Variants in CPHXL observed in about 807,000 individuals in gnomAD.
CPHXL encodes the protein cytoplasmic polyadenylated homeobox-like protein.
At chr16:75,723,595 TAA>T (rs1243025189) in intron 1 of CPHXL, among the ~76,000 whole-genome samples, 1 of 152,014 alleles carries the variant, frequency 6.6e-6, no homozygotes, top group East Asian at 1.9e-4. Context: ...CTCAATGAAA[TAA>T]AAGAGGATAC....
chr16:75,716,281 T>A (rs1276196872), intron 2 of CPHXL, among the ~76,000 whole-genome samples: 2 of 152,160 alleles, frequency 1.3e-5, no homozygotes, highest in Non-Finnish European at 2.9e-5. Context: ...TACCTGGAAA[T>A]ACTGTCAGAT....
intron 1 of CPHXL, among the ~76,000 whole-genome samples, chr16:75,719,911 G>T (rs1436614647): frequency 6.6e-6 from 1 of 152,066 alleles, no homozygotes; most frequent in African/African-American, 2.4e-5. Context: ...AAAACTTCTA[G>T]AGGAACGATC....
At chr16:75,716,413 TG>T (rs1435967266) in intron 2 of CPHXL, among the ~76,000 whole-genome samples, 1 of 152,202 alleles carries the variant, frequency 6.6e-6, no homozygotes, top group African/African-American at 2.4e-5. Context: ...ACCTCCTCTC[TG>T]GGTTTGATTA....
chr16:75,718,211 C>G, intron 2 of CPHXL, 54 bp downstream of exon 2: 1 of 397,108 alleles, frequency 2.5e-6, no homozygotes, highest in Non-Finnish European at 4.4e-6. Context: ...GGAGTGAGAC[C>G]TTGTCTAAAA....
At chr16:75,725,753 C>CTTTTTT (rs35659823) in intron 1 of CPHXL, among the ~76,000 whole-genome samples, 512 of 43,296 alleles carry the variant, frequency 0.012, 56 homozygotes, top group African/African-American at 0.023. Flanking sequence ...TGCCCGGCGT[C>CTTTTTT]TTTTTTTTTT....
chr16:75,720,974 C>G (rs1190235311), intron 1 of CPHXL, among the ~76,000 whole-genome samples: 1 of 152,182 alleles, frequency 6.6e-6, no homozygotes, highest in Non-Finnish European at 1.5e-5. Flanking sequence ...AAAGAATTTT[C>G]AACCAGAATT....
At chr16:75,725,535 C>G (rs1306345035) in intron 1 of CPHXL, among the ~76,000 whole-genome samples, 1 of 151,554 alleles carries the variant, frequency 6.6e-6, no homozygotes, top group Non-Finnish European at 1.5e-5. Flanking sequence ...TCACTGCAAG[C>G]TCCGCCTCCC....
At chr16:75,719,812 G>A (rs2151839244) in intron 1 of CPHXL, among the ~76,000 whole-genome samples, 1 of 152,264 alleles carries the variant, frequency 6.6e-6, no homozygotes, top group African/African-American at 2.4e-5. Context: ...CTCCTCAAGT[G>A]GGTCCCTGAC....
chr16:75,718,823 T>A (rs1459946846), intron 1 of CPHXL, among the ~76,000 whole-genome samples: 1 of 152,196 alleles, frequency 6.6e-6, no homozygotes, highest in African/African-American at 2.4e-5. Context: ...CTATCTGGAT[T>A]TGAGAATTTA....
intron 2 of CPHXL, among the ~76,000 whole-genome samples, chr16:75,716,488 TATTAC>T (rs1231225427): frequency 1.3e-5 from 2 of 152,116 alleles, no homozygotes; most frequent in Non-Finnish European, 2.9e-5. Flanking sequence ...TTAGAAAGGA[TATTAC>T]AAAAGATACA....
Position 75,725,458 on chromosome 16 carries a change from T to C in CPHXL, c.25+960A>G, listed in dbSNP as rs11859083. On this transcript the variant is annotated intron_variant, in intron 1 of 2. Transcript: ENST00000640559. ...TAGGCACCACTGTGGCTTCCTCTTT[T>C]TTTTTTTTTTTTGAGACGGACTCTC... Among the ~76,000 whole-genome samples the C allele has an allele frequency of 7.1e-3, 1,069 of 150,798 alleles. 10 individuals are homozygous for C. Among genetic ancestry groups the C allele is most frequent in the African/African-American group, 0.025 (1,033 of 41,190 alleles).
intron 1 of CPHXL, among the ~76,000 whole-genome samples, chr16:75,720,704 C>T (rs374824251): frequency 1.6e-4 from 25 of 152,134 alleles, no homozygotes; most frequent in African/African-American, 5.5e-4. Flanking sequence ...GGAGAACTTC[C>T]CCAATCTAGC....
chr16:75,721,589 C>G (rs9746270), intron 1 of CPHXL, among the ~76,000 whole-genome samples: 59,770 of 151,916 alleles, frequency 0.39, 13,061 homozygotes, highest in African/African-American at 0.59. Context: ...ACAGGAGCAC[C>G]CAGATTCATA....
chr16:75,723,734 A>T (rs1177096844), intron 1 of CPHXL, among the ~76,000 whole-genome samples: 6 of 152,218 alleles, frequency 3.9e-5, no homozygotes, highest in Non-Finnish European at 8.8e-5. Context: ...CTTTCTTCAC[A>T]GAATTGGAAA....
At position 75,718,351 on chromosome 16, in the gene CPHXL, C is replaced by G; in HGVS notation, c.133G>C (p.Glu45Gln). 5.0e-6 allele frequency: 2 copies of G among 398,776 alleles called. No individual in the cohort carries two copies. Among genetic ancestry groups the G allele is most frequent in the Non-Finnish European group, 8.8e-6 (2 of 226,212 alleles). The allele number at this position is 398,776 out of a possible 1,614,324, so 24.7% of individuals were successfully genotyped here. The change falls in exon 2 of 3, where the codon GAA (glutamate) becomes CAA (glutamine). Residue 45 changes from glutamate (E) to glutamine (Q), a missense_variant. Physicochemically the swap from Glu to Gln is conservative, Grantham distance 29 (BLOSUM62 2). Coordinates refer to ENST00000640559, the MANE Select transcript of CPHXL (RefSeq NM_001355613.1). ...GGATAACAGTTCTCTCCAAATATTTCCTTAAGTTCCTGCAGTAATTCTTCA... is the reference window on the plus strand; with the variant it reads ...GGATAACAGTTCTCTCCAAATATTTGCTTAAGTTCCTGCAGTAATTCTTCA... ...FSEELLQELK[E>Q]IFGENCYPDY... is the part of the protein sequence containing the mutation.
At chr16:75,723,625 T>C (rs896095838) in intron 1 of CPHXL, among the ~76,000 whole-genome samples, 5 of 152,150 alleles carry the variant, frequency 3.3e-5, no homozygotes, top group Admixed American at 2.6e-4. Flanking sequence ...TGGAAGAACA[T>C]TCCATGCTCA....
intron 1 of CPHXL, among the ~76,000 whole-genome samples, chr16:75,723,021 G>A (rs1329831955): frequency 1.3e-5 from 2 of 152,094 alleles, no homozygotes; most frequent in East Asian, 1.9e-4. Flanking sequence ...CTCAATAGAC[G>A]CAGAAAAGGC....
intron 1 of CPHXL, among the ~76,000 whole-genome samples, chr16:75,721,994 C>G (rs1404785327): frequency 1.3e-5 from 2 of 152,176 alleles, no homozygotes; most frequent in Non-Finnish European, 2.9e-5. Context: ...CAACCTGCTC[C>G]TGAATGACTA....
chr16:75,715,934 G>A (rs1455281349), intron 2 of CPHXL, among the ~76,000 whole-genome samples: 2 of 151,984 alleles, frequency 1.3e-5, no homozygotes, highest in East Asian at 3.9e-4. Context: ...CTGACCTCAG[G>A]TGATCTGCCC....
Sources: allele counts gnomAD v4.1 joint callset (sites outside exome capture counted in the v4.1 genomes callset), GRCh38; gene constraint gnomAD v4.1.1; transcripts MANE v1.5; gene names NCBI Gene and HGNC (gene_info 2026-07-23, HGNC 2026-07-21).